Variants in TPD52L1 observed in about 807,000 individuals in gnomAD.
TPD52L1 encodes tumor protein D53.
A neutral mutation model predicts 28.7 loss-of-function variants in TPD52L1; 18 were observed. That is an observed-to-expected ratio of 0.63 (90% CI 0.43 to 0.93). TPD52L1 has a LOEUF of 0.93. Among genes scored for constraint, TPD52L1 ranks in the 40% least tolerant of loss-of-function variants. The probability of loss-of-function intolerance (pLI) is 0.00; values close to 1 mark genes in which losing one functional copy is unlikely to be tolerated. For missense variants in TPD52L1, 203 were observed against 254.8 expected (o/e 0.80, Z 1.39); for synonymous variants, 75 against 88.8 (o/e 0.84, Z 0.88).
intron 1 of TPD52L1, among the ~76,000 whole-genome samples, chr6:125,192,188 C>T (rs1362904580): frequency 6.6e-6 from 1 of 152,116 alleles, no homozygotes. Context: ...AGACATTTAA[C>T]TGTAGGTTTA....
intron 1 of TPD52L1, among the ~76,000 whole-genome samples, chr6:125,175,090 T>A (rs1221665772): frequency 6.6e-6 from 1 of 152,182 alleles, no homozygotes; most frequent in African/African-American, 2.4e-5. Flanking sequence ...AACTATGACA[T>A]TTTATATTAT....
chr6:125,202,410 A>C (rs1793849685), intron 1 of TPD52L1, among the ~76,000 whole-genome samples: 1 of 152,196 alleles, frequency 6.6e-6, no homozygotes, highest in Admixed American at 6.5e-5. Context: ...CAAGGCATGC[A>C]CAGGTCGTGT....
chr6:125,248,569 T>G, intron 4 of TPD52L1, 186 bp downstream of exon 4: 1 of 571,602 alleles, frequency 1.7e-6, no homozygotes, highest in Non-Finnish European at 3.1e-6. Flanking sequence ...TGCCTGAAGG[T>G]CAGGCTTAGG....
intron 1 of TPD52L1, among the ~76,000 whole-genome samples, chr6:125,195,116 T>C (rs1793334939): frequency 6.6e-6 from 1 of 152,242 alleles, no homozygotes; most frequent in Admixed American, 6.5e-5. Flanking sequence ...AGGATACATA[T>C]AACATTTGTT....
At chr6:125,165,092 A>ATATATATATT in intron 1 of TPD52L1, among the ~76,000 whole-genome samples, 5 of 104,200 alleles carry the variant, frequency 4.8e-5, no homozygotes, top group East Asian at 4.8e-4. Flanking sequence ...AAAGATATAT[A>ATATATATATT]TATATATTTT....
chr6:125,188,437 C>T (rs59427501), intron 1 of TPD52L1, among the ~76,000 whole-genome samples: 9,024 of 152,158 alleles, frequency 0.059, 910 homozygotes, highest in African/African-American at 0.21. Context: ...CATTTAGATA[C>T]AATGTGAAAC....
intron 1 of TPD52L1, among the ~76,000 whole-genome samples, chr6:125,213,344 C>T (rs1794642532): frequency 6.6e-6 from 1 of 152,112 alleles, no homozygotes; most frequent in African/African-American, 2.4e-5. Context: ...TGTATGGAAG[C>T]CTGAAGGACT....
chr6:125,154,109 CT>C (rs1789953053), intron 1 of TPD52L1, 139 bp downstream of exon 1: 23 of 1,430,362 alleles, frequency 1.6e-5, no homozygotes, highest in Non-Finnish European at 2.1e-5. Context: ...CCACCCGCGC[CT>C]TTGGTATAAT....
chr6:125,163,116 A>G (rs1303594034), intron 1 of TPD52L1, among the ~76,000 whole-genome samples: 17 of 152,182 alleles, frequency 1.1e-4, no homozygotes. Context: ...ATAGGCAAAA[A>G]AGAGTTGAGA....
At chr6:125,231,390 T>C (rs953513346) in intron 3 of TPD52L1, among the ~76,000 whole-genome samples, 3 of 152,310 alleles carry the variant, frequency 2.0e-5, no homozygotes, top group African/African-American at 7.2e-5. Flanking sequence ...CTCATATTCC[T>C]CCTGGGACTG....
chr6:125,249,370 C>CT (rs1323946193), intron 4 of TPD52L1, among the ~76,000 whole-genome samples: 1 of 151,310 alleles, frequency 6.6e-6, no homozygotes, highest in African/African-American at 2.4e-5. Context: ...TAAACTGTTA[C>CT]TTTTTTATTA....
intron 3 of TPD52L1, among the ~76,000 whole-genome samples, chr6:125,234,673 G>A (rs956632961): frequency 6.6e-6 from 1 of 151,998 alleles, no homozygotes; most frequent in South Asian, 2.1e-4. Context: ...AGTCAATCAA[G>A]GTATTAGTAT....
At chr6:125,234,300 C>CTT (rs1371396382) in intron 3 of TPD52L1, 1 of 152,214 alleles carries the variant, frequency 6.6e-6, no homozygotes, top group Non-Finnish European at 1.5e-5. Flanking sequence ...GTGTTTTCTG[C>CTT]TAGAATGGCT....
At chr6:125,184,768 C>T (rs1792477711) in intron 1 of TPD52L1, among the ~76,000 whole-genome samples, 1 of 151,768 alleles carries the variant, frequency 6.6e-6, no homozygotes, top group Non-Finnish European at 1.5e-5. Context: ...TAAGCTGAAA[C>T]TCTACCTAGC....
intron 6 of TPD52L1, among the ~76,000 whole-genome samples, chr6:125,259,446 T>C (rs1195277726): frequency 2.0e-5 from 3 of 152,242 alleles, no homozygotes; most frequent in Non-Finnish European, 4.4e-5. Flanking sequence ...AATTTAGTTC[T>C]GCCTACGCCC....
chr6:125,242,345 T>C (rs766370335), intron 3 of TPD52L1, among the ~76,000 whole-genome samples: 6 of 152,284 alleles, frequency 3.9e-5, no homozygotes, highest in Non-Finnish European at 8.8e-5. Flanking sequence ...TGTTTCATTG[T>C]TGATTTTCCA....
intron 2 of TPD52L1, among the ~76,000 whole-genome samples, chr6:125,228,457 T>G (rs778770574): frequency 4.6e-5 from 7 of 152,256 alleles, no homozygotes; most frequent in Non-Finnish European, 8.8e-5. Context: ...CCCTTGTTCC[T>G]TCCTTTCTTA....
intron 1 of TPD52L1, among the ~76,000 whole-genome samples, chr6:125,181,767 G>T (rs547778715): frequency 1.3e-5 from 2 of 152,136 alleles, no homozygotes; most frequent in East Asian, 3.9e-4. Flanking sequence ...TTACATTGGC[G>T]TGGTGCAAGC....
chr6:125,169,691 T>C lies in TPD52L1; in HGVS notation c.19+15721T>C, dbSNP rs147658049. On this transcript the variant is annotated intron_variant, in intron 1 of 6. Transcript: ENST00000534000. ...TGGTCCCAGCCTTCCTTATCTCCCA[T>C]GCGCATTACTGCAGGAGCCTCCTAG... Among the ~76,000 whole-genome samples, 21 of 152,298 alleles carry C rather than the reference T, an allele frequency of 1.4e-4. 1 individual carries two copies. In the East Asian group the frequency reaches 3.9e-3, roughly 28 times the overall value.
Sources: gnomAD v4.1 joint callset for allele counts (sites outside exome capture counted in the v4.1 genomes callset) on GRCh38, gnomAD v4.1.1 for gene constraint, MANE v1.5 for transcripts, NCBI Gene and HGNC (gene_info 2026-07-23, HGNC 2026-07-21) for gene names.